Variants in GRIN3B observed in about 807,000 individuals in gnomAD.
GRIN3B encodes glutamate receptor ionotropic, NMDA 3B.
GRIN3B carries 77 observed loss-of-function variants against 66.0 expected under a neutral mutation model. The ratio of observed to expected loss-of-function variants is 1.17; its 90% confidence interval spans 0.97 to 1.41. The LOEUF (loss-of-function observed/expected upper bound fraction) is 1.41. Ranked by LOEUF, GRIN3B falls within the 40% of genes most tolerant of loss-of-function variation. The pLI is 0.00. For synonymous variants in GRIN3B, 823 were observed against 749.7 expected, an observed-to-expected ratio of 1.10 and a Z score of -1.60; for missense variants, 1,787 against 1,564.5, an observed-to-expected ratio of 1.14 and a Z score of -2.40.
intron 6 of GRIN3B, 85 bp downstream of exon 6, chr19:1,008,376 C>A: frequency 1.6e-6 from 2 of 1,287,118 alleles, no homozygotes; most frequent in Admixed American, 2.0e-5. Context: ...AACCCCAGTG[C>A]TCATTCCCCA....
chr19:1,005,026 C>A lies in GRIN3B; in HGVS notation c.1525C>A (p.Arg509=), dbSNP rs140937568. 2.1e-4 allele frequency: 343 copies of A among 1,611,878 alleles called. No homozygotes were observed. In the African/African-American group the frequency reaches 3.5e-3, roughly 17 times the overall value. Residue 509 remains arginine (R), a synonymous_variant, in exon 3 of 9, where the codon CGG becomes AGG. Coordinates refer to ENST00000234389, the MANE Select transcript of GRIN3B (RefSeq NM_138690.3). The surrounding 1 kb of genome is among the most constrained non-coding windows in gnomAD (Gnocchi z 5.2). ...GGGTGACGGCAAGTACGGCGCCCTG[C>A]GGGACGGCCGCTGGACCGGCCTGGT... is the stretch of plus-strand genomic sequence containing the variant. The part of the protein sequence containing the change: ...LVGDGKYGAL[R]DGRWTGLVGD...
At position 1,003,307 on chromosome 19, in the gene GRIN3B, G is replaced by C; in HGVS notation, c.604G>C (p.Val202Leu). The stretch of plus-strand genomic sequence containing the variant: ...CCGGGCTGGCCGGCCCCCACAGCTG[G>C]TCCTGGACCTAAGCCGGCGGGACAC... Reference protein sequence around the residue: ...TSRAGRPPQLVLDLSRRDTGD... With the variant: ...TSRAGRPPQLLLDLSRRDTGD... Residue 202 changes from valine to leucine, a missense_variant, in exon 2 of 9, where the codon GTC becomes CTC. By Grantham distance (32) the Val-to-Leu change is conservative (BLOSUM62 1). Transcript: ENST00000234389. 1.3e-6 allele frequency: 2 copies of C among 1,575,116 alleles called. No homozygotes were observed. The highest frequency in any genetic ancestry group is 1.7e-6 in the Non-Finnish European group (2 of 1,162,756).
chr19:1,009,292 C>T lies in GRIN3B; in HGVS notation c.2822C>T (p.Ala941Val). The T allele has an allele frequency of 7.1e-7, 1 of 1,411,072 alleles. No homozygotes were observed. Among genetic ancestry groups the T allele is most frequent in the Admixed American group, 3.3e-5 (1 of 30,034 alleles). The allele number at this position is 1,411,072 out of a possible 1,614,324, so 87.4% of individuals were successfully genotyped here. The change falls in exon 9 of 9, where the codon GCC (alanine) becomes GTC (valine). Residue 941 changes from alanine to valine, a missense_variant. Transcript: ENST00000234389. ...CGCGTGCGCTTCCTGCTGGAGCCCG[C>T]CGTGGTTGTGGCACCCGAAGCGGAC... ...ERRVRFLLEP[A>V]VVVAPEADAE...
Position 1,008,658 on chromosome 19 carries a change from T to G in GRIN3B, c.2507T>G (p.Val836Gly). ...MSIYHFAGLF[V>G]LLCLGLGSAL... ...ATCTACCACTTCGCGGGCCTCTTCG[T>G]GTTGCTGTGCCTGGGCCTGGGCAGC... Residue 836 changes from valine (V) to glycine (G), a missense_variant, in exon 7 of 9, where the codon GTG becomes GGG. Coordinates refer to ENST00000234389, the MANE Select transcript of GRIN3B (RefSeq NM_138690.3). 5 of 1,604,008 alleles carry G rather than the reference T, an allele frequency of 3.1e-6. No homozygotes were observed. Among genetic ancestry groups the G allele is most frequent in the Non-Finnish European group, 4.2e-6 (5 of 1,179,734 alleles).
At position 1,009,251 on chromosome 19, in the gene GRIN3B, C is replaced by G. The variant is rs957258547; in HGVS notation, c.2781C>G (p.Ala927=). 5 of 1,435,710 alleles carry G rather than the reference C, an allele frequency of 3.5e-6. No homozygotes were observed. The highest frequency in any genetic ancestry group is 4.5e-6 in the Non-Finnish European group (5 of 1,106,086). The allele number at this position is 1,435,710 out of a possible 1,614,324, so 88.9% of individuals were successfully genotyped here. A position where few individuals can be genotyped will look rare whatever the true frequency, so the allele number is the denominator to read the frequency against. Reference sequence around the variant, plus strand: ...AGGGCTGGAAACGGGCGCGCCGGGCCGTGGACAAGGAGCGCCGCGTGCGCT... The same window carrying G: ...AGGGCTGGAAACGGGCGCGCCGGGCGGTGGACAAGGAGCGCCGCGTGCGCT... ...APEGWKRARR[A]VDKERRVRFL... is the part of the protein sequence containing the mutation. The change falls in exon 9 of 9, where the codon GCC becomes GCG. Residue 927 remains alanine (A), a synonymous_variant. Transcript: ENST00000234389.
chr19:1,003,232 G>T lies in GRIN3B; in HGVS notation c.529G>T (p.Ala177Ser), dbSNP rs1050412160. Reference sequence around the variant, plus strand: ...GCACGCCTGGGAAGACGTCGGCCTGGCCCTGTGCCGCACTCAGGACCCCGG... The same window carrying T: ...GCACGCCTGGGAAGACGTCGGCCTGTCCCTGTGCCGCACTCAGGACCCCGG... ...QAHAWEDVGL[A>S]LCRTQDPGGL... The change falls in exon 2 of 9, where the codon GCC (alanine) becomes TCC (serine). Residue 177 changes from alanine to serine, a missense_variant. Coordinates refer to ENST00000234389, the MANE Select transcript of GRIN3B (RefSeq NM_138690.3). The T allele has an allele frequency of 3.8e-6, 6 of 1,575,824 alleles. No homozygotes were observed. The highest frequency in any genetic ancestry group is 1.7e-4 in the Middle Eastern group (1 of 5,826).
At position 1,005,173 on chromosome 19, in the gene GRIN3B, C is replaced by T. The variant is rs749437943; in HGVS notation, c.1672C>T (p.Arg558Trp). The change falls in exon 3 of 9, where the codon CGG (arginine) becomes TGG (tryptophan). Residue 558 changes from arginine (R) to tryptophan (W), a missense_variant. Physicochemically the swap from Arg to Trp is moderately radical, Grantham distance 101 (BLOSUM62 -3). Coordinates refer to ENST00000234389, the MANE Select transcript of GRIN3B (RefSeq NM_138690.3). The surrounding 1 kb of genome is among the most constrained non-coding windows in gnomAD (Gnocchi z 5.2). ...FFSTSLGIMV[R>W]ARDTASPIGA... is the part of the protein sequence containing the mutation. ...CTCCACCAGCCTGGGCATCATGGTGCGGGCACGGGACACGGCCTCACCCAT... is the reference window on the plus strand; with the variant it reads ...CTCCACCAGCCTGGGCATCATGGTGTGGGCACGGGACACGGCCTCACCCAT... The T allele has an allele frequency of 2.8e-5, 45 of 1,613,392 alleles. No individual in the cohort carries two copies. The highest frequency in any genetic ancestry group is 6.7e-5 in the African/African-American group (5 of 74,938).
chr19:1,009,503 C>T lies in GRIN3B; in HGVS notation c.3033C>T (p.Leu1011=), dbSNP rs1264826532. 3.3e-6 allele frequency: 5 copies of T among 1,495,668 alleles called. No individual in the cohort carries two copies. The highest frequency in any genetic ancestry group is 2.9e-5 in the African/African-American group (2 of 68,904). 92.6% of individuals were successfully genotyped at this position (1,495,668 alleles called of 1,614,324 possible). A position where few individuals can be genotyped will look rare whatever the true frequency, so the allele number is the denominator to read the frequency against. The change falls in exon 9 of 9, where the codon CTC becomes CTT. Residue 1011 remains leucine, a synonymous_variant. Transcript: ENST00000234389. ...GGCGCGGCCAGCTCCTGGCACAGCT[C>T]GGGGACAGCGCACGTCACCGGCCTC... The part of the protein sequence containing the change: ...LVRRGQLLAQ[L]GDSARHRPRR...
Position 1,005,292 on chromosome 19 carries a change from G to A in GRIN3B, c.1791G>A (p.Trp597Ter). ...LTALFLTVYE[W>*]RSPYGLTPRG... Reference sequence around the variant, plus strand: ...CGCTCTTCCTCACCGTGTACGAGTGGCGTAGCCCCTACGGCCTCACGCCAC... The same window carrying A: ...CGCTCTTCCTCACCGTGTACGAGTGACGTAGCCCCTACGGCCTCACGCCAC... The change falls in exon 3 of 9, where the codon TGG becomes TGA. Residue 597 changes from tryptophan (W) to a stop codon, truncating the protein, a stop_gained. Coordinates refer to ENST00000234389, the MANE Select transcript of GRIN3B (RefSeq NM_138690.3). LOFTEE classifies it high-confidence loss of function. This position sits in a 1 kb window ranked among gnomAD's most constrained non-coding sequence, Gnocchi z 5.2. 6.2e-7 allele frequency: 1 copy of A among 1,613,582 alleles called. No homozygotes were observed. Among genetic ancestry groups the A allele is most frequent in the Non-Finnish European group, 8.5e-7 (1 of 1,179,994 alleles).
Position 1,003,161 on chromosome 19 carries a change from G to GC in GRIN3B, c.463dup (p.Leu155ProfsTer75), listed in dbSNP as rs762464181. Reference sequence around the variant, plus strand: ...TTCCACCTGCAGCTGCACTGGGCCAGCCCCCTGGAGACGCTGCTGGATGTG... The same window carrying GC: ...TTCCACCTGCAGCTGCACTGGGCCAGCCCCCCTGGAGACGCTGCTGGATGTG... On this transcript the variant is annotated frameshift_variant, in exon 2 of 9. Transcript: ENST00000234389. LOFTEE classifies it high-confidence loss of function. The GC allele has an allele frequency of 1.4e-5, 21 of 1,482,962 alleles. No individual in the cohort carries two copies. In the East Asian group the frequency reaches 5.4e-4, roughly 38 times the overall value. 91.9% of individuals were successfully genotyped at this position (1,482,962 alleles called of 1,614,324 possible).
chr19:1,004,517 C>A lies in GRIN3B; in HGVS notation c.1020-4C>A. 1 of 1,580,078 alleles carries A rather than the reference C, an allele frequency of 6.3e-7. No homozygotes were observed. Among genetic ancestry groups the A allele is most frequent in the South Asian group, 1.1e-5 (1 of 87,186 alleles). ...ACCTGACACCCCCCCCGCCCTGCCC[C>A]TAGGTTCCTGGCCAACACGTCCTTC... On this transcript the variant is annotated splice_region_variant and splice_polypyrimidine_tract_variant and intron_variant, in intron 2 of 8. Coordinates refer to ENST00000234389, the MANE Select transcript of GRIN3B (RefSeq NM_138690.3).
At position 1,005,680 on chromosome 19, in the gene GRIN3B, G is replaced by A. The variant is rs895137820; in HGVS notation, c.2052+127G>A. On this transcript the variant is annotated intron_variant, in intron 3 of 8. Transcript: ENST00000234389. This position sits in a 1 kb window ranked among gnomAD's most constrained non-coding sequence, Gnocchi z 5.2. ...CACTAGGCCAACTCTGGTCCCAAGAGACATTTATTCAATTAATTTATTTAT... is the reference window on the plus strand; with the variant it reads ...CACTAGGCCAACTCTGGTCCCAAGAAACATTTATTCAATTAATTTATTTAT... 36 of 705,290 alleles carry A rather than the reference G, an allele frequency of 5.1e-5. No individual in the cohort carries two copies. Among genetic ancestry groups the A allele is most frequent in the Non-Finnish European group, 7.1e-5 (31 of 435,836 alleles). The allele number at this position is 705,290 out of a possible 1,614,324, so 43.7% of individuals were successfully genotyped here. A position where few individuals can be genotyped will look rare whatever the true frequency, so the allele number is the denominator to read the frequency against.
Position 1,003,403 on chromosome 19 carries a change from G to A in GRIN3B, c.700G>A (p.Ala234Thr), listed in dbSNP as rs374598541. ...AGTGGGGGGTGAAGCACCGGTACCC[G>A]CGGCGGTCCTCCTCGGCTGTGACAT... ...APVGGEAPVP[A>T]AVLLGCDIAR... Residue 234 changes from alanine to threonine, a missense_variant, in exon 2 of 9, where the codon GCG (alanine) becomes ACG (threonine). Physicochemically the swap from Ala to Thr is moderately conservative, Grantham distance 58. Coordinates refer to ENST00000234389, the MANE Select transcript of GRIN3B (RefSeq NM_138690.3). 193 of 1,553,534 alleles carry A rather than the reference G, an allele frequency of 1.2e-4. No individual in the cohort carries two copies. Among genetic ancestry groups the A allele is most frequent in the Middle Eastern group, 1.7e-4 (1 of 5,976 alleles).
chr19:1,003,256 G>T lies in GRIN3B; in HGVS notation c.553G>T (p.Gly185Cys). The change falls in exon 2 of 9, where the codon GGC becomes TGC. Residue 185 changes from glycine to cysteine, a missense_variant. Gly to Cys is a radical substitution (Grantham distance 159). Coordinates refer to ENST00000234389, the MANE Select transcript of GRIN3B (RefSeq NM_138690.3). The stretch of plus-strand genomic sequence containing the variant: ...GGCCCTGTGCCGCACTCAGGACCCC[G>T]GCGGCCTGGTGGCCCTCTGGACAAG... ...GLALCRTQDPGGLVALWTSRA... is the reference protein window; with the variant it reads ...GLALCRTQDPCGLVALWTSRA... 1 of 1,573,258 alleles carries T rather than the reference G, an allele frequency of 6.4e-7. No individual in the cohort carries two copies. Among genetic ancestry groups the T allele is most frequent in the Non-Finnish European group, 8.6e-7 (1 of 1,161,324 alleles).
chr19:1,000,824 C>T lies in GRIN3B; in HGVS notation c.387C>T (p.Ser129=), dbSNP rs756032796. 158 of 1,446,640 alleles carry T rather than the reference C, an allele frequency of 1.1e-4. No individual in the cohort carries two copies. Among genetic ancestry groups the T allele is most frequent in the Admixed American group, 7.7e-4 (28 of 36,314 alleles). The allele number at this position is 1,446,640 out of a possible 1,614,324, so 89.6% of individuals were successfully genotyped here. A position where few individuals can be genotyped will look rare whatever the true frequency, so the allele number is the denominator to read the frequency against. ...CGGCCACCGAGACCCCCGTGCTCAG[C>T]CTGCTGCGGCGGGAGGCGCGCGCGC... ...LAAATETPVL[S]LLRREARAPL... The change falls in exon 1 of 9, where the codon AGC becomes AGT. Residue 129 remains serine (S), a synonymous_variant. Coordinates refer to ENST00000234389, the MANE Select transcript of GRIN3B (RefSeq NM_138690.3).
At chr19:1,008,537 A>C in intron 6 of GRIN3B, 81 bp from the exon 7 acceptor site, 3 of 1,500,834 alleles carry the variant, frequency 2.0e-6, no homozygotes, top group Non-Finnish European at 1.8e-6. Flanking sequence ...TCTCTGGCCC[A>C]ACCTGTTCTC....
chr19:1,007,688 T>C lies in GRIN3B; in HGVS notation c.2113T>C (p.Tyr705His), dbSNP rs1218386864. The change falls in exon 4 of 9, where the codon TAC (tyrosine) becomes CAC (histidine). Residue 705 changes from tyrosine to histidine, a missense_variant. By Grantham distance (83) the Tyr-to-His change is moderately conservative. Transcript: ENST00000234389. This position sits in a 1 kb window ranked among gnomAD's most constrained non-coding sequence, Gnocchi z 4.4. Reference protein sequence around the residue: ...GTVWESSAEAYIKKSFPDMHA... With the variant: ...GTVWESSAEAHIKKSFPDMHA... ...CGTGTGGGAGAGCAGCGCCGAGGCG[T>C]ACATCAAGAAGAGCTTCCCCGACAT... 1.3e-6 allele frequency: 2 copies of C among 1,537,100 alleles called. No individual in the cohort carries two copies. The highest frequency in any genetic ancestry group is 2.0e-5 in the Admixed American group (1 of 50,092).
chr19:1,009,136 CCCCGGCGGACACTGA>C, intron 8 of GRIN3B, 22 bp from the exon 9 acceptor site: 1 of 1,442,530 alleles, frequency 6.9e-7, no homozygotes, highest in African/African-American at 1.4e-5. Flanking sequence ...GAGACGGCTG[CCCCGGCGGACACTGA>C]CCAGGCCGGT....
Position 1,004,596 on chromosome 19 carries a change from TC to T in GRIN3B, c.1096del (p.Arg366GlyfsTer55), listed in dbSNP as rs1439333436. The T allele has an allele frequency of 1.9e-6, 3 of 1,600,718 alleles. No individual in the cohort carries two copies. Among genetic ancestry groups the T allele is most frequent in the Non-Finnish European group, 2.6e-6 (3 of 1,173,726 alleles). On this transcript the variant is annotated frameshift_variant, in exon 3 of 9. Coordinates refer to ENST00000234389, the MANE Select transcript of GRIN3B (RefSeq NM_138690.3). LOFTEE classifies it high-confidence loss of function. Reference protein sequence around the residue: ...VTGSSQVHMSRHFKVWSLRRD... With the variant: ...VTGSSQVHMSXHFKVWSLRRD... ...CAGGCAGCTCCCAGGTACACATGTC[TC>T]GGCACTTTAAGGTGTGGAGCCTTCG...
Sources: allele counts gnomAD v4.1 joint callset, GRCh38; gene constraint gnomAD v4.1.1; non-coding constraint Gnocchi (gnomAD v3.1); transcripts MANE v1.5; gene names NCBI Gene and HGNC (gene_info 2026-07-23, HGNC 2026-07-21).